Variants in TTC17 observed in about 807,000 individuals in gnomAD.
TTC17 encodes tetratricopeptide repeat protein 17.
Under a neutral mutation model 143.8 loss-of-function variants are expected in TTC17, and 58 were observed. That is an observed-to-expected ratio of 0.40 (90% confidence interval 0.33 to 0.50). TTC17 has a LOEUF of 0.50. Ranked by LOEUF, TTC17 falls within the 20% of genes least tolerant of loss-of-function variation. The pLI is 0.49. For synonymous variants in TTC17, 501 were observed against 497.8 expected (o/e 1.01, Z -0.09); for missense variants, 1,273 against 1,392.5 (o/e 0.91, Z 1.37).
chr11:43,402,024 TAAATAAAG>T (rs1378075635), intron 10 of TTC17, among the ~76,000 whole-genome samples: 16 of 136,884 alleles, frequency 1.2e-4, no homozygotes, highest in Admixed American at 3.8e-4. Context: ...AATAAATAAA[TAAATAAAG>T]AGCGAGAGAG....
At chr11:43,484,286 G>A (rs537686045) in intron 21 of TTC17, among the ~76,000 whole-genome samples, 16 of 152,186 alleles carry the variant, frequency 1.1e-4, no homozygotes, top group East Asian at 3.9e-4. Context: ...GTGGCTTCCC[G>A]TAAACTCAAT....
intron 1 of TTC17, among the ~76,000 whole-genome samples, chr11:43,378,546 A>G (rs1191780822): frequency 6.6e-6 from 1 of 152,154 alleles, no homozygotes; most frequent in Non-Finnish European, 1.5e-5. Context: ...ATCCTTGCCT[A>G]CTTATTGAAC....
intron 16 of TTC17, among the ~76,000 whole-genome samples, chr11:43,442,218 C>G (rs980226501): frequency 3.2e-4 from 49 of 152,280 alleles, no homozygotes; most frequent in African/African-American, 1.1e-3. Flanking sequence ...AATTTTATGG[C>G]ACCACCATGG....
chr11:43,426,304 C>T (rs1329372136), intron 16 of TTC17, among the ~76,000 whole-genome samples: 1 of 152,246 alleles, frequency 6.6e-6, no homozygotes. Context: ...TGCAAAGTGG[C>T]CACTGAGGTG....
At chr11:43,366,872 TC>T (rs550326885) in intron 1 of TTC17, among the ~76,000 whole-genome samples, 81 of 152,252 alleles carry the variant, frequency 5.3e-4, no homozygotes, top group East Asian at 1.7e-3. Context: ...TGTTCTCACT[TC>T]TTCTGGGCCT....
chr11:43,427,961 C>T (rs1447041814), intron 16 of TTC17, among the ~76,000 whole-genome samples: 2 of 152,134 alleles, frequency 1.3e-5, no homozygotes, highest in Admixed American at 6.5e-5. Flanking sequence ...CTTGTATCCA[C>T]CCAAAGTTTG....
At chr11:43,437,169 A>G (rs777004739) in intron 16 of TTC17, among the ~76,000 whole-genome samples, 12 of 152,100 alleles carry the variant, frequency 7.9e-5, no homozygotes, top group Non-Finnish European at 1.8e-4. Context: ...TAGCATATCC[A>G]AAATTGAACT....
In TTC17 at chr11:43,475,686, C is replaced by CT. The variant is rs773250436; in HGVS notation, c.3031-14552dup. On this transcript the variant is annotated intron_variant, in intron 21 of 23. Coordinates refer to ENST00000039989, the MANE Select transcript of TTC17 (RefSeq NM_018259.6). ...ATTATTCTGCTTGAGCATTCCAAAT[C>CT]TGAAAGTCCAAAATGTTCCAATGAG... Among the ~76,000 whole-genome samples, 82 of 152,278 alleles carry CT rather than the reference C, an allele frequency of 5.4e-4. 1 individual carries two copies. Among genetic ancestry groups the CT allele is most frequent in the Non-Finnish European group, 9.0e-4 (61 of 68,022 alleles).
chr11:43,397,637 T>C, intron 7 of TTC17, 146 bp downstream of exon 7: 1 of 965,532 alleles, frequency 1.0e-6, no homozygotes, highest in Non-Finnish European at 1.5e-6. Flanking sequence ...AGAAAAATCC[T>C]CAACACAGTA....
chr11:43,403,919 T>C, intron 10 of TTC17, 79 bp from the exon 11 acceptor site: 2 of 1,284,184 alleles, frequency 1.6e-6, no homozygotes, highest in Non-Finnish European at 2.1e-6. Context: ...ATTCACTCGC[T>C]TTTTTGGTGT....
chr11:43,425,008 T>C (rs1946993180), intron 16 of TTC17, among the ~76,000 whole-genome samples: 1 of 152,206 alleles, frequency 6.6e-6, no homozygotes, highest in East Asian at 1.9e-4. Flanking sequence ...TTATATACAC[T>C]TGTGTGTAGT....
rs753228160 is a variant in TTC17, at chr11:43,401,464, G to A, written c.1238G>A (p.Arg413Gln). Reference sequence around the variant, plus strand: ...ATTCCAGGAAATCATCAGATATGCCGACTGGTCAACCAGCAGCATAGTTTA... The same window carrying A: ...ATTCCAGGAAATCATCAGATATGCCAACTGGTCAACCAGCAGCATAGTTTA... ...EAQLGNHQIC[R>Q]LVNQQHSLHC... Residue 413 changes from arginine (R) to glutamine (Q), a missense_variant, in exon 10 of 24, where the codon CGA becomes CAA. Around this residue, in one of 3 missense-constraint regions of TTC17, gnomAD observed 878 missense variants for 899.8 expected, o/e 0.98. Transcript: ENST00000039989. 47 of 1,611,856 alleles carry A rather than the reference G, an allele frequency of 2.9e-5. No homozygotes were observed. In the East Asian group the frequency reaches 7.4e-4, roughly 25 times the overall value.
chr11:43,410,008 A>G (rs536145185), intron 15 of TTC17, among the ~76,000 whole-genome samples: 2 of 151,916 alleles, frequency 1.3e-5, no homozygotes, highest in East Asian at 3.9e-4. Context: ...TGCCCGGCTA[A>G]TTTTTGTACT....
chr11:43,370,013 CT>C (rs1856500723), intron 1 of TTC17: 1 of 442,418 alleles, frequency 2.3e-6, no homozygotes, highest in Non-Finnish European at 4.5e-6. Context: ...TAATAGTTTT[CT>C]CAATCTCATA....
intron 2 of TTC17, among the ~76,000 whole-genome samples, chr11:43,388,481 A>G (rs1244971191): frequency 3.9e-5 from 6 of 151,990 alleles, no homozygotes; most frequent in African/African-American, 1.2e-4. Flanking sequence ...GATTAATTAT[A>G]AGAAGTTAGA....
rs1044190985 is a variant in TTC17 at position 43,436,158 on chromosome 11, A to G, written c.2252-7167A>G. ...ATGTGCTATATCTGTGTCTCTTGTC[A>G]TTGAGGTAATTGTCATGAGAAAACC... On this transcript the variant is annotated intron_variant, in intron 16 of 23. Coordinates refer to ENST00000039989, the MANE Select transcript of TTC17 (RefSeq NM_018259.6). The G allele has an allele frequency of 4.3e-6, 6 of 1,380,290 alleles. No individual in the cohort carries two copies. The East Asian group carries it at 1.3e-4, about 30-fold the overall frequency. The allele number at this position is 1,380,290 out of a possible 1,614,324, so 85.5% of individuals were successfully genotyped here. A position where few individuals can be genotyped will look rare whatever the true frequency, so the allele number is the denominator to read the frequency against.
rs373611965 is a variant in TTC17 at position 43,407,151 on chromosome 11, G to A, written c.1775G>A (p.Arg592His). 54 of 1,582,614 alleles carry A rather than the reference G, an allele frequency of 3.4e-5. No individual in the cohort carries two copies. The highest frequency in any genetic ancestry group is 4.2e-5 in the Non-Finnish European group (49 of 1,169,170). Residue 592 changes from arginine to histidine, a missense_variant, in exon 14 of 24, where the codon CGT becomes CAT. Arg to His is a conservative substitution (Grantham distance 29). Coordinates refer to ENST00000039989, the MANE Select transcript of TTC17 (RefSeq NM_018259.6). ...TTGATGTTTCAGATTTTGCTTTCCCGTATTAATAACTATACTATCCCAGAA... is the reference window on the plus strand; with the variant it reads ...TTGATGTTTCAGATTTTGCTTTCCCATATTAATAACTATACTATCCCAGAA... ...DDHARKILLSRINNYTIPEEE... is the reference protein window; with the variant it reads ...DDHARKILLSHINNYTIPEEE...
intron 18 of TTC17, among the ~76,000 whole-genome samples, chr11:43,445,051 C>T (rs1947511294): frequency 1.3e-5 from 2 of 152,056 alleles, no homozygotes; most frequent in Non-Finnish European, 2.9e-5. Flanking sequence ...AATTTGTAAA[C>T]AACATAAATG....
At chr11:43,408,574 A>G (rs1352971135) in intron 15 of TTC17, among the ~76,000 whole-genome samples, 1 of 152,202 alleles carries the variant, frequency 6.6e-6, no homozygotes, top group Non-Finnish European at 1.5e-5. Flanking sequence ...TACTGTTTTC[A>G]GCCAAGGGAC....
Sources: gnomAD v4.1 joint callset for allele counts (sites outside exome capture counted in the v4.1 genomes callset) on GRCh38, gnomAD v4.1.1 for gene constraint, gnomAD v4.1.1 regional missense constraint, MANE v1.5 for transcripts, NCBI Gene and HGNC (gene_info 2026-07-23, HGNC 2026-07-21) for gene names.